The following ZFHX3 variants were observed in gnomAD, a reference collection of about 807,000 sequenced individuals.
The protein encoded by ZFHX3 is zinc finger homeobox 3.
In ZFHX3, 42 loss-of-function variants were observed where a neutral mutation model predicts 279.1. The observed-to-expected ratio is 0.15, with a 90% confidence interval of 0.12 to 0.19. ZFHX3 has a LOEUF of 0.19. Among genes scored for constraint, ZFHX3 ranks in the 10% least tolerant of loss-of-function variants. The pLI is 1.00. For missense variants in ZFHX3, 4,981 were observed against 4,754.0 expected, an observed-to-expected ratio of 1.05 and a Z score of -1.40; for synonymous variants, 2,293 against 1,957.8, an observed-to-expected ratio of 1.17 and a Z score of -4.52.
At chr16:73,010,640 A>AAAAGGACCGAGCTGGCAGCCAG (rs1963881980) in intron 1 of ZFHX3, among the ~76,000 whole-genome samples, 1 of 152,002 alleles carries the variant, frequency 6.6e-6, no homozygotes, top group Non-Finnish European at 1.5e-5. Context: ...GACACCTCAT[A>AAAAGGACCGAGCTGGCAGCCAG]AAAGGACCGA....
rs79895410 is a variant in ZFHX3, at chr16:72,858,823, C to T, written c.3449-28964G>A. 8.8e-3 allele frequency among the ~76,000 whole-genome samples: 1,337 copies of T among 152,350 alleles called. 55 individuals are homozygous for T. The East Asian group carries it at 0.094, about 11-fold the overall frequency. On this transcript the variant is annotated intron_variant, in intron 4 of 9. Transcript: ENST00000268489. ...GCGACACAGAGGGCAGAGCCCCAGGCCCTGCAGCGGGTCAGGGCTGGCCTC... is the reference window on the plus strand; with the variant it reads ...GCGACACAGAGGGCAGAGCCCCAGGTCCTGCAGCGGGTCAGGGCTGGCCTC...
intron 1 of ZFHX3, among the ~76,000 whole-genome samples, chr16:73,772,131 AC>A (rs1427588521): frequency 6.6e-6 from 1 of 151,746 alleles, no homozygotes; most frequent in Non-Finnish European, 1.5e-5. Context: ...CTCCACCTCC[AC>A]CCCCTCGCCA....
intron 2 of ZFHX3, among the ~76,000 whole-genome samples, chr16:73,665,058 G>C (rs2052821028): frequency 6.6e-6 from 1 of 152,152 alleles, no homozygotes; most frequent in African/African-American, 2.4e-5. Flanking sequence ...GTGATTAAGA[G>C]CACTATTGTC....
chr16:72,920,507 C>A (rs774610024), intron 3 of ZFHX3, among the ~76,000 whole-genome samples: 27 of 151,812 alleles, frequency 1.8e-4, no homozygotes, highest in Admixed American at 9.2e-4. Context: ...TGGCGAAACC[C>A]CGTCTCTACT....
At chr16:73,560,829 G>A (rs2020359027) in intron 2 of ZFHX3, among the ~76,000 whole-genome samples, 1 of 152,192 alleles carries the variant, frequency 6.6e-6, no homozygotes, top group Non-Finnish European at 1.5e-5. Flanking sequence ...AGCACCTCAG[G>A]TCAAAGACAG....
chr16:73,675,985 G>A (rs993170675), intron 2 of ZFHX3, among the ~76,000 whole-genome samples: 6 of 152,002 alleles, frequency 3.9e-5, no homozygotes, highest in Admixed American at 1.3e-4. Context: ...CCACACAAAT[G>A]TGTGAACTCA....
At chr16:73,306,267 C>CA (rs2015178018) in intron 4 of ZFHX3, among the ~76,000 whole-genome samples, 1 of 152,162 alleles carries the variant, frequency 6.6e-6, no homozygotes, top group Admixed American at 6.5e-5. Flanking sequence ...TAGATCAAAA[C>CA]AGAGTTTTAA....
chr16:73,713,012 A>T (rs1042144511), intron 1 of ZFHX3, among the ~76,000 whole-genome samples: 1 of 152,170 alleles, frequency 6.6e-6, no homozygotes, highest in Non-Finnish European at 1.5e-5. Flanking sequence ...CCAGCCTGGT[A>T]ATGGGCTGAT....
intron 4 of ZFHX3, among the ~76,000 whole-genome samples, chr16:72,834,144 A>G (rs1237017894): frequency 6.6e-6 from 1 of 152,114 alleles, no homozygotes; most frequent in Non-Finnish European, 1.5e-5. Context: ...CTAACTTGGG[A>G]GGCTGAGGTG....
At chr16:73,851,798 T>G (rs1201020363) in intron 1 of ZFHX3, among the ~76,000 whole-genome samples, 1 of 152,160 alleles carries the variant, frequency 6.6e-6, no homozygotes, top group Admixed American at 6.5e-5. Context: ...ATTGAGGCAT[T>G]AGGATCAACA....
intron 4 of ZFHX3, among the ~76,000 whole-genome samples, chr16:73,299,889 G>C (rs897084684): frequency 6.6e-6 from 1 of 152,184 alleles, no homozygotes; most frequent in African/African-American, 2.4e-5. Context: ...GTAGTCTCAT[G>C]ATCTCTCTCT....
intron 4 of ZFHX3, among the ~76,000 whole-genome samples, chr16:73,277,949 T>C (rs1597258041): frequency 6.6e-6 from 1 of 152,072 alleles, no homozygotes; most frequent in South Asian, 2.1e-4. Context: ...CAGGATCTCA[T>C]GAGAATTCAC....
intron 2 of ZFHX3, among the ~76,000 whole-genome samples, chr16:73,580,222 G>A (rs1468449884): frequency 1.3e-5 from 2 of 151,880 alleles, no homozygotes; most frequent in African/African-American, 4.9e-5. Context: ...GCTCATGCCT[G>A]TAATCCCAGC....
intron 1 of ZFHX3, among the ~76,000 whole-genome samples, chr16:73,886,564 G>A (rs1197547452): frequency 6.6e-6 from 1 of 152,182 alleles, no homozygotes; most frequent in East Asian, 1.9e-4. Context: ...GACAGCATTA[G>A]GAATTATTCT....
chr16:73,739,315 G>T (rs964000333), intron 1 of ZFHX3, among the ~76,000 whole-genome samples: 22 of 152,266 alleles, frequency 1.4e-4, no homozygotes, highest in Admixed American at 5.2e-4. Context: ...TTAGAACAGG[G>T]TTTCTCAATT....
chr16:72,923,450 GAAA>G (rs34096322), intron 3 of ZFHX3, among the ~76,000 whole-genome samples: 1 of 86,084 alleles, frequency 1.2e-5, no homozygotes, highest in African/African-American at 4.7e-5. Context: ...TCTCAGACCA[GAAA>G]AAAAAAAAAA....
At chr16:73,395,824 C>T (rs534170268) in intron 3 of ZFHX3, among the ~76,000 whole-genome samples, 9 of 151,948 alleles carry the variant, frequency 5.9e-5, no homozygotes, top group Admixed American at 2.0e-4. Context: ...ACAAGTCCCA[C>T]GAATAGACCC....
At chr16:73,843,883 A>G (rs1961379083) in intron 1 of ZFHX3, among the ~76,000 whole-genome samples, 1 of 152,238 alleles carries the variant, frequency 6.6e-6, no homozygotes, top group Admixed American at 6.5e-5. Context: ...CTGTGTTTCA[A>G]TAAAACTTTA....
intron 4 of ZFHX3, among the ~76,000 whole-genome samples, chr16:72,854,398 A>G (rs1310935812): frequency 1.3e-5 from 2 of 152,164 alleles, no homozygotes; most frequent in African/African-American, 4.8e-5. Context: ...AATCTGGAAG[A>G]GGAGATATAA....
Sources: allele counts gnomAD v4.1 joint callset (sites outside exome capture counted in the v4.1 genomes callset), GRCh38; gene constraint gnomAD v4.1.1; transcripts MANE v1.5; gene names NCBI Gene and HGNC (gene_info 2026-07-23, HGNC 2026-07-21).